TRDN: variants seen among roughly 807,000 people sequenced by gnomAD.
TRDN encodes the protein triadin.
In TRDN, 161 loss-of-function variants were observed where a neutral mutation model predicts 149.7. The observed-to-expected ratio is 1.08, with a 90% CI of 0.95 to 1.23. TRDN has a LOEUF of 1.23. Among genes scored for constraint, TRDN ranks in the 50% most tolerant of loss-of-function variants. The pLI, the probability that TRDN is intolerant of heterozygous loss-of-function variation, is 0.00. For synonymous variants in TRDN, 294 were observed against 250.5 expected (o/e 1.17, Z -1.64); for missense variants, 896 against 823.5 (o/e 1.09, Z -1.08).
At chr6:123,341,579 T>C (rs9372743) in intron 21 of TRDN, among the ~76,000 whole-genome samples, 28,095 of 151,754 alleles carry the variant, frequency 0.19, 3,556 homozygotes, top group East Asian at 0.63. Flanking sequence ...AAAAGCATAA[T>C]ATAAAATTTT....
intron 10 of TRDN, among the ~76,000 whole-genome samples, chr6:123,461,923 C>T (rs754250038): frequency 7.9e-5 from 12 of 152,074 alleles, no homozygotes; most frequent in Non-Finnish European, 1.3e-4. Flanking sequence ...AACTTGTAGG[C>T]GTTTCAGCCC....
Position 123,538,937 on chromosome 6 carries a change from T to C in TRDN, c.425-8372A>G, listed in dbSNP as rs145533876. ...CAGAAGTACAAATGATTGCAAATAA[T>C]ACCTTTTATAGATTATCAATGGTGA... On this transcript the variant is annotated intron_variant, in intron 4 of 40. Coordinates refer to ENST00000334268, the MANE Select transcript of TRDN (RefSeq NM_006073.4). Among the ~76,000 whole-genome samples, 4 of 152,338 alleles carry C rather than the reference T, an allele frequency of 2.6e-5. No homozygotes were observed. The East Asian group carries it at 5.8e-4, about 22-fold the overall frequency.
chr6:123,499,044 G>A (rs866116893), intron 8 of TRDN, among the ~76,000 whole-genome samples: 2 of 151,964 alleles, frequency 1.3e-5, no homozygotes, highest in Non-Finnish European at 2.9e-5. Context: ...CTCCTTAGAT[G>A]AATCTAATTA....
intron 12 of TRDN, among the ~76,000 whole-genome samples, chr6:123,394,696 AT>A (rs1021515828): frequency 2.6e-5 from 4 of 152,110 alleles, no homozygotes; most frequent in African/African-American, 9.7e-5. Flanking sequence ...ATAATTATTC[AT>A]TTATATATAA....
At chr6:123,442,999 G>A (rs943139263) in intron 10 of TRDN, among the ~76,000 whole-genome samples, 6 of 152,082 alleles carry the variant, frequency 3.9e-5, no homozygotes, top group Admixed American at 1.3e-4. Flanking sequence ...AGAGAAATGA[G>A]TAGAATGTGT....
At chr6:123,519,727 C>CAA (rs549575718) in intron 5 of TRDN, among the ~76,000 whole-genome samples, 4 of 140,520 alleles carry the variant, frequency 2.8e-5, no homozygotes, top group African/African-American at 7.7e-5. Context: ...AGTACCCAAC[C>CAA]AAAAAAAAAA....
chr6:123,360,142 C>T (rs1226740780), intron 20 of TRDN, among the ~76,000 whole-genome samples: 6 of 152,126 alleles, frequency 3.9e-5, no homozygotes, highest in African/African-American at 1.4e-4. Context: ...TTAAGCCCAG[C>T]ATGCATTAGC....
intron 40 of TRDN, 70 bp from the exon 41 acceptor site, chr6:123,218,810 C>A: frequency 2.7e-6 from 4 of 1,468,194 alleles, no homozygotes; most frequent in Non-Finnish European, 3.7e-6. Flanking sequence ...TGAGGCAGTG[C>A]AGTGCAGCAG....
intron 9 of TRDN, among the ~76,000 whole-genome samples, chr6:123,482,470 G>T (rs1176108616): frequency 6.6e-6 from 1 of 152,144 alleles, no homozygotes; most frequent in Non-Finnish European, 1.5e-5. Context: ...TTTATATTGT[G>T]TATAATTGAT....
At chr6:123,339,151 C>T (rs1055023050) in intron 21 of TRDN, among the ~76,000 whole-genome samples, 4 of 151,748 alleles carry the variant, frequency 2.6e-5, no homozygotes, top group Middle Eastern at 3.2e-3. Flanking sequence ...ATTACAGGCA[C>T]CCACCAGCAT....
chr6:123,348,382 G>A (rs930750938), intron 21 of TRDN, among the ~76,000 whole-genome samples: 6 of 151,978 alleles, frequency 3.9e-5, no homozygotes, highest in African/African-American at 1.2e-4. Context: ...TTTTTACATA[G>A]GGCTGATGGT....
intron 24 of TRDN, among the ~76,000 whole-genome samples, chr6:123,284,878 C>T (rs1009775414): frequency 2.6e-5 from 4 of 152,030 alleles, no homozygotes; most frequent in Admixed American, 2.0e-4. Context: ...AGTGACCAAG[C>T]TGAGACTCGA....
At position 123,403,360 on chromosome 6, in the gene TRDN, G is replaced by A. The variant is rs115007175; in HGVS notation, c.1052-9683C>T. Among the ~76,000 whole-genome samples, 865 of 152,272 alleles carry A rather than the reference G, an allele frequency of 5.7e-3. 10 individuals carry two copies. The highest frequency in any genetic ancestry group is 0.02 in the African/African-American group (813 of 41,570). ...CTGTAAGGTGGACAGTAACAAAATA[G>A]AAGTGAGTGGAATCCATTCCTGTGA... is the stretch of plus-strand genomic sequence containing the variant. On this transcript the variant is annotated intron_variant, in intron 12 of 40. Coordinates refer to ENST00000334268, the MANE Select transcript of TRDN (RefSeq NM_006073.4).
chr6:123,512,578 G>A (rs1481347114), intron 6 of TRDN, among the ~76,000 whole-genome samples: 2 of 152,090 alleles, frequency 1.3e-5, no homozygotes, highest in Non-Finnish European at 2.9e-5. Flanking sequence ...TAGCAAGCTT[G>A]TTGAAAATCA....
intron 12 of TRDN, among the ~76,000 whole-genome samples, chr6:123,405,598 A>C (rs753543363): frequency 3.3e-5 from 5 of 152,230 alleles, no homozygotes; most frequent in African/African-American, 1.2e-4. Context: ...TCTGTATTAC[A>C]TGACGAGGCC....
chr6:123,437,468 A>C, intron 12 of TRDN: 1 of 277,412 alleles, frequency 3.6e-6, no homozygotes, highest in Non-Finnish European at 6.7e-6. Context: ...CAGTAGTGCA[A>C]TTATGGTGCT....
chr6:123,261,255 T>C (rs2114590195), intron 33 of TRDN, among the ~76,000 whole-genome samples: 1 of 152,012 alleles, frequency 6.6e-6, no homozygotes, highest in East Asian at 1.9e-4. Flanking sequence ...CATGCAAACA[T>C]TCATTCATAT....
intron 38 of TRDN, among the ~76,000 whole-genome samples, chr6:123,237,573 T>C (rs1183947665): frequency 6.6e-6 from 1 of 152,180 alleles, no homozygotes; most frequent in Non-Finnish European, 1.5e-5. Flanking sequence ...GAAACTCACT[T>C]ACTAATTCCA....
chr6:123,321,357 A>G (rs879346596), intron 23 of TRDN, among the ~76,000 whole-genome samples: 1 of 152,182 alleles, frequency 6.6e-6, no homozygotes, highest in African/African-American at 2.4e-5. Flanking sequence ...TTTTAAATAC[A>G]ATACGTATTT....
Sources: gnomAD v4.1 joint callset for allele counts (sites outside exome capture counted in the v4.1 genomes callset) on GRCh38, gnomAD v4.1.1 for gene constraint, MANE v1.5 for transcripts, NCBI Gene and HGNC (gene_info 2026-07-23, HGNC 2026-07-21) for gene names.